The following TEX9 variants were observed in gnomAD, a reference collection of about 807,000 sequenced individuals.
TEX9 encodes the protein testis expressed 9.
TEX9 carries 74 observed loss-of-function variants against 59.6 expected under a neutral mutation model. The ratio of observed to expected loss-of-function variants is 1.24; its 90% CI spans 1.03 to 1.51. TEX9 has a LOEUF of 1.51. Among genes scored for constraint, TEX9 ranks in the 40% most tolerant of loss-of-function variants. The probability of loss-of-function intolerance (pLI) is 0.00; values close to 1 mark genes in which losing one functional copy is unlikely to be tolerated. For missense variants in TEX9, 522 were observed against 447.8 expected, an observed-to-expected ratio of 1.17 and a Z score of -1.49; for synonymous variants, 186 against 152.2, an observed-to-expected ratio of 1.22 and a Z score of -1.64.
chr15:56,305,407 A>G (rs2045456474), intron 1 of TEX9, among the ~76,000 whole-genome samples: 1 of 152,194 alleles, frequency 6.6e-6, no homozygotes, highest in Non-Finnish European at 1.5e-5. Flanking sequence ...TCAAAACAGC[A>G]TGGTACCTGC....
At chr15:56,255,009 A>G (rs1416373567) in intron 1 of TEX9, among the ~76,000 whole-genome samples, 3 of 152,060 alleles carry the variant, frequency 2.0e-5, no homozygotes, top group Admixed American at 6.6e-5. Flanking sequence ...TGAAGCATTC[A>G]AGAATCAGTG....
chr15:56,262,308 ACAC>A (rs1448547931), intron 1 of TEX9, among the ~76,000 whole-genome samples: 1 of 152,222 alleles, frequency 6.6e-6, no homozygotes, highest in African/African-American at 2.4e-5. Flanking sequence ...TGCTTTAGCT[ACAC>A]CACATAAATT....
chr15:56,296,014 A>G (rs1460054543), intron 1 of TEX9, among the ~76,000 whole-genome samples: 1 of 152,130 alleles, frequency 6.6e-6, no homozygotes, highest in Non-Finnish European at 1.5e-5. Context: ...GCCAAATTTC[A>G]ATGCGGTCTG....
exon 4 of TEX9, chr15:56,383,960 G>A: frequency 6.2e-7 from 1 of 1,610,124 alleles, no homozygotes; most frequent in Non-Finnish European, 8.5e-7. Flanking sequence ...AGAGAGATCG[G>A]CAAGAAGTAC....
intron 10 of TEX9, among the ~76,000 whole-genome samples, chr15:56,418,980 A>C (rs1335974205): frequency 6.6e-6 from 1 of 151,888 alleles, no homozygotes. Context: ...GAATCTATAG[A>C]TCAGTTTTGG....
chr15:56,333,330 A>G (rs1765167919), intron 1 of TEX9, among the ~76,000 whole-genome samples: 1 of 152,136 alleles, frequency 6.6e-6, no homozygotes, highest in Admixed American at 6.6e-5. Flanking sequence ...ACTAAGTAGG[A>G]TTTATCCCAG....
chr15:56,311,302 C>G (rs1171476575), intron 1 of TEX9, among the ~76,000 whole-genome samples: 1 of 119,216 alleles, frequency 8.4e-6, no homozygotes, highest in Non-Finnish European at 1.7e-5. Flanking sequence ...CCTCCCCCCA[C>G]CCCACAACAG....
chr15:56,277,686 GT>G (rs1285960630), intron 1 of TEX9, among the ~76,000 whole-genome samples: 2 of 151,856 alleles, frequency 1.3e-5, no homozygotes, highest in East Asian at 1.9e-4. Flanking sequence ...CAAAGTAGTT[GT>G]TTTTTTTCTA....
downstream of TEX9, among the ~76,000 whole-genome samples, chr15:56,448,749 TTC>T (rs2050926181): frequency 6.8e-6 from 1 of 146,612 alleles, no homozygotes; most frequent in South Asian, 2.2e-4. Flanking sequence ...TATTTTTAGA[TTC>T]TTTTTTTTTT....
exon 6 of TEX9, chr15:56,389,396 T>C: frequency 6.3e-7 from 1 of 1,599,232 alleles, no homozygotes; most frequent in East Asian, 2.2e-5. Flanking sequence ...GAAAACAAAT[T>C]CAAGGTATAG....
At chr15:56,269,338 C>T (rs62045713) in intron 1 of TEX9, among the ~76,000 whole-genome samples, 2 of 152,022 alleles carry the variant, frequency 1.3e-5, no homozygotes, top group Admixed American at 6.6e-5. Context: ...CTGCTCTGAT[C>T]TTGGTTATTT....
rs551660598 is a variant in TEX9 at position 56,248,076 on chromosome 15, T to TTA, written c.-107+3809_-107+3810dup. 1.2e-3 allele frequency among the ~76,000 whole-genome samples: 189 copies of TTA among 152,212 alleles called. 1 individual carries two copies. The highest frequency in any genetic ancestry group is 1.1e-3 in the Non-Finnish European group (76 of 68,008). ...AAAGTGCAAGTAGTCCTAGGAGGGC[T>TTA]TATATATATATAAGTTTCAATGCTG... On this transcript the variant is annotated intron_variant, in intron 1 of 5. Coordinates refer to the TEX9 transcript ENST00000560827.
At chr15:56,429,245 A>G in intron 12 of TEX9, 1 of 1,185,010 alleles carries the variant, frequency 8.4e-7, no homozygotes, top group Non-Finnish European at 1.2e-6. Context: ...ATATTTCACT[A>G]AATGCTTTTA....
intron 1 of TEX9, among the ~76,000 whole-genome samples, chr15:56,268,230 A>G (rs2044436472): frequency 6.6e-6 from 1 of 152,222 alleles, no homozygotes; most frequent in Non-Finnish European, 1.5e-5. Flanking sequence ...TTGGGCTGAG[A>G]TGATGGGATT....
intron 1 of TEX9, among the ~76,000 whole-genome samples, chr15:56,244,602 G>T (rs2043797462): frequency 2.6e-5 from 1 of 39,166 alleles, no homozygotes; most frequent in Non-Finnish European, 5.0e-5. Context: ...CCCCTTTCCA[G>T]GAATGCCCTC....
chr15:56,299,479 T>C (rs2045291735), intron 1 of TEX9, among the ~76,000 whole-genome samples: 1 of 152,144 alleles, frequency 6.6e-6, no homozygotes, highest in South Asian at 2.1e-4. Flanking sequence ...GAATTCCTGG[T>C]CAAATCCTGG....
chr15:56,380,107 C>A (rs144027487), intron 3 of TEX9, among the ~76,000 whole-genome samples: 52 of 152,122 alleles, frequency 3.4e-4, no homozygotes, highest in African/African-American at 1.2e-3. Context: ...TCCTTCCTGT[C>A]TTCCTTTTAT....
At chr15:56,315,845 C>T (rs2045743574) in intron 1 of TEX9, among the ~76,000 whole-genome samples, 1 of 149,190 alleles carries the variant, frequency 6.7e-6, no homozygotes, top group African/African-American at 2.4e-5. Context: ...AGGCTTTGCT[C>T]ATTTCTTTTT....
chr15:56,252,064 G>A (rs2044034845), intron 1 of TEX9, among the ~76,000 whole-genome samples: 1 of 152,100 alleles, frequency 6.6e-6, no homozygotes, highest in Admixed American at 6.5e-5. Flanking sequence ...CTTTTGTCAA[G>A]AATTGCATCC....
Sources: allele counts gnomAD v4.1 joint callset (sites outside exome capture counted in the v4.1 genomes callset), GRCh38; gene constraint gnomAD v4.1.1; transcripts MANE v1.5; gene names NCBI Gene and HGNC (gene_info 2026-07-23, HGNC 2026-07-21).